The following RPS6KA6 variants were observed in gnomAD, a reference collection of about 807,000 sequenced individuals.
The protein encoded by RPS6KA6 is ribosomal protein S6 kinase A6.
RPS6KA6 carries 27 observed loss-of-function variants against 65.4 expected under a neutral mutation model. The ratio of observed to expected loss-of-function variants is 0.41; its 90% CI spans 0.30 to 0.57. RPS6KA6 has a LOEUF of 0.57. Ranked by LOEUF, RPS6KA6 falls within the 20% of genes least tolerant of loss-of-function variation. The probability of loss-of-function intolerance (pLI) is 0.24; values close to 1 mark genes in which losing one functional copy is unlikely to be tolerated. For missense variants in RPS6KA6, 486 were observed against 555.6 expected, an observed-to-expected ratio of 0.87 and a Z score of 1.26; for synonymous variants, 190 against 184.2, an observed-to-expected ratio of 1.03 and a Z score of -0.26.
chrX:84,187,790 C>G lies in RPS6KA6; in HGVS notation c.81+29G>C, dbSNP rs759603818. The stretch of plus-strand genomic sequence containing the variant: ...TTGAGGGGAAGGAGGCGGGGGTTGG[C>G]TCCAGCCCGTCTTGGCCACCACACT... On this transcript the variant is annotated intron_variant, in intron 1 of 21. Transcript: ENST00000262752. The G allele has an allele frequency of 4.2e-6, 5 of 1,186,292 alleles. No individual in the cohort carries two copies. The South Asian group carries it at 7.3e-5, about 17-fold the overall frequency.
At chrX:84,125,353 T>C (rs185158104) in intron 8 of RPS6KA6, among the ~76,000 whole-genome samples, 2 of 111,737 alleles carry the variant, frequency 1.8e-5, no homozygotes, top group East Asian at 5.6e-4. Flanking sequence ...TTTCAAAACA[T>C]AGTACAATAA....
At chrX:84,178,336 G>A (rs906202941) in intron 1 of RPS6KA6, among the ~76,000 whole-genome samples, 1 of 111,652 alleles carries the variant, frequency 9.0e-6, no homozygotes, top group African/African-American at 3.3e-5. Flanking sequence ...AAGTATCACT[G>A]CAGAATGAGA....
At chrX:84,184,550 T>C (rs1417651477) in intron 1 of RPS6KA6, among the ~76,000 whole-genome samples, 1 of 111,718 alleles carries the variant, frequency 9.0e-6, no homozygotes, top group East Asian at 2.8e-4. Flanking sequence ...ATCATGAGTA[T>C]GGCATGGAGC....
intron 21 of RPS6KA6, 42 bp from the exon 22 acceptor site, chrX:84,064,444 G>A: frequency 9.1e-7 from 1 of 1,096,024 alleles, no homozygotes; most frequent in Non-Finnish European, 1.2e-6. Flanking sequence ...TACAAATTCT[G>A]GAGTTAAAAA....
chrX:84,102,813 A>G (rs757483985), intron 17 of RPS6KA6, among the ~76,000 whole-genome samples: 16 of 110,636 alleles, frequency 1.4e-4, no homozygotes, highest in African/African-American at 5.2e-4. Flanking sequence ...GTGGTGGTAA[A>G]GACATGTGGA....
chrX:84,122,762 C>T (rs1357278261), intron 8 of RPS6KA6, among the ~76,000 whole-genome samples: 1 of 111,296 alleles, frequency 9.0e-6, no homozygotes, highest in Non-Finnish European at 1.9e-5. Context: ...ACTTAAAAGG[C>T]AGTCTAAGAT....
Position 84,105,834 on chromosome X carries a change from T to C in RPS6KA6, c.1408A>G (p.Ile470Val), listed in dbSNP as rs2034349724. The stretch of plus-strand genomic sequence containing the variant: ...GGATGTTGTCCATAGCGCATCAATA[T>C]TTCAATCTCTTCTGAAGGGTCTCGC... ...SKRDPSEEIE[I>V]LMRYGQHPNI... Residue 470 changes from isoleucine to valine, a missense_variant, in exon 16 of 22, where the codon ATA becomes GTA. Ile to Val is a conservative substitution (Grantham distance 29). Coordinates refer to ENST00000262752, the MANE Select transcript of RPS6KA6 (RefSeq NM_014496.5). 1.7e-6 allele frequency: 2 copies of C among 1,176,802 alleles called. No homozygotes were observed. The highest frequency in any genetic ancestry group is 1.8e-5 in the African/African-American group (1 of 56,470).
At chrX:84,154,509 GTTC>G (rs1207676994) in intron 3 of RPS6KA6, among the ~76,000 whole-genome samples, 1 of 111,273 alleles carries the variant, frequency 9.0e-6, no homozygotes. Context: ...CTTCATCTCT[GTTC>G]TTCTAAAATT....
intron 18 of RPS6KA6, among the ~76,000 whole-genome samples, chrX:84,099,432 T>TA (rs1252742100): frequency 9.0e-6 from 1 of 111,024 alleles, no homozygotes; most frequent in Non-Finnish European, 1.9e-5. Context: ...AAGTCACAAT[T>TA]AAAGTAGTCA....
intron 6 of RPS6KA6, among the ~76,000 whole-genome samples, chrX:84,136,166 T>C (rs1253728599): frequency 9.0e-6 from 1 of 111,731 alleles, no homozygotes. Context: ...AATCAGCCAT[T>C]AGATGTAATT....
chrX:84,182,405 G>T lies in RPS6KA6; in HGVS notation c.81+5414C>A, dbSNP rs1332293510. On this transcript the variant is annotated intron_variant, in intron 1 of 21. Coordinates refer to ENST00000262752, the MANE Select transcript of RPS6KA6 (RefSeq NM_014496.5). ...AAGTACTGAAAGGCTTATACCTCAA[G>T]ATTCCAAGTGCTTATCAAATCTTAA... Among the ~76,000 whole-genome samples, 5 of 111,586 alleles carry T rather than the reference G, an allele frequency of 4.5e-5. No homozygotes were observed. The East Asian group carries it at 1.4e-3, about 31-fold the overall frequency.
chrX:84,168,178 GCTT>G (rs375580579), intron 1 of RPS6KA6, among the ~76,000 whole-genome samples: 328 of 110,516 alleles, frequency 3.0e-3, no homozygotes, highest in African/African-American at 0.01. Context: ...TTCCTTTGCT[GCTT>G]TTTTTCAATA....
At chrX:84,079,649 T>C (rs937573640) in intron 20 of RPS6KA6, among the ~76,000 whole-genome samples, 2 of 110,815 alleles carry the variant, frequency 1.8e-5, no homozygotes, top group Non-Finnish European at 3.8e-5. Flanking sequence ...GGGAGGGGCG[T>C]CCACCATCAT....
At chrX:84,096,160 T>A (rs2034152713) in intron 20 of RPS6KA6, 34 bp downstream of exon 20, 1 of 915,353 alleles carries the variant, frequency 1.1e-6, no homozygotes. Flanking sequence ...CAATTTAACA[T>A]GAATGCAACA....
At chrX:84,093,404 T>TGA (rs1374759011) in intron 20 of RPS6KA6, among the ~76,000 whole-genome samples, 3 of 111,964 alleles carry the variant, frequency 2.7e-5, no homozygotes, top group African/African-American at 9.7e-5. Flanking sequence ...AAAAGGTACA[T>TGA]GAGATAGTTT....
chrX:84,182,819 A>T (rs1033436852), intron 1 of RPS6KA6, among the ~76,000 whole-genome samples: 1 of 111,965 alleles, frequency 8.9e-6, no homozygotes, highest in East Asian at 2.8e-4. Flanking sequence ...CATAGAAAAA[A>T]TACAGATGTC....
chrX:84,088,734 G>A lies in RPS6KA6; in HGVS notation c.1971+7460C>T, dbSNP rs750564295. 2.7e-3 allele frequency among the ~76,000 whole-genome samples: 304 copies of A among 112,105 alleles called. 2 individuals are homozygous for A. The highest frequency in any genetic ancestry group is 9.4e-3 in the African/African-American group (291 of 30,914). On this transcript the variant is annotated intron_variant, in intron 20 of 21. Coordinates refer to ENST00000262752, the MANE Select transcript of RPS6KA6 (RefSeq NM_014496.5). ...GACAGCAGGCTGGAAAGACTGAGTC[G>A]AACAACCTGCAGAGATGTTGGCTAC...
chrX:84,160,954 C>T (rs921877261), intron 2 of RPS6KA6, among the ~76,000 whole-genome samples: 6 of 110,778 alleles, frequency 5.4e-5, no homozygotes, highest in African/African-American at 1.3e-4. Context: ...CAAAGAATGC[C>T]GGCAAACTAG....
In RPS6KA6 at chrX:84,062,557, G is replaced by A. The variant is rs1271645377; in HGVS notation, c.*1720C>T. The stretch of plus-strand genomic sequence containing the variant: ...AGACATGATACCTAACTACTTCTAA[G>A]TAATTATTTTTCATGTGGCATAAAT... On this transcript the variant is annotated 3_prime_UTR_variant, in exon 22 of 22. Transcript: ENST00000262752. 9.0e-6 allele frequency: 1 copy of A among 111,403 alleles called. No homozygotes were observed. Among genetic ancestry groups the A allele is most frequent in the African/African-American group, 3.3e-5 (1 of 30,754 alleles). 9.2% of individuals were successfully genotyped at this position (111,403 alleles called of 1,213,427 possible).
Sources: allele counts gnomAD v4.1 joint callset (sites outside exome capture counted in the v4.1 genomes callset), GRCh38; gene constraint gnomAD v4.1.1; transcripts MANE v1.5; gene names NCBI Gene and HGNC (gene_info 2026-07-23, HGNC 2026-07-21).